ATP13A2: variants seen among roughly 807,000 people sequenced by gnomAD.
The protein encoded by ATP13A2 is ATPase cation transporting 13A2.
In ATP13A2, 83 loss-of-function variants were observed where a neutral mutation model predicts 138.3. That is an observed-to-expected ratio of 0.60 (90% CI 0.50 to 0.72). The LOEUF is 0.72. Among genes scored for constraint, ATP13A2 ranks in the 30% least tolerant of loss-of-function variants. ATP13A2 has a pLI of 0.00. For missense variants in ATP13A2, 1,402 were observed against 1,606.4 expected (o/e 0.87, Z 2.17); for synonymous variants, 663 against 699.0 (o/e 0.95, Z 0.81).
chr1:16,999,321 A>AG (rs1436287455), intron 11 of ATP13A2, among the ~76,000 whole-genome samples: 1 of 138,826 alleles, frequency 7.2e-6, no homozygotes, highest in Non-Finnish European at 1.5e-5. Context: ...TGGAGGTTGC[A>AG]GTGAGCTGAG....
At position 16,987,091 on chromosome 1, in the gene ATP13A2, G is replaced by T. The variant is rs1397654246; in HGVS notation, c.3038C>A (p.Thr1013Asn). 9.3e-6 allele frequency: 15 copies of T among 1,613,472 alleles called. No homozygotes were observed. The South Asian group carries it at 1.5e-4, about 17-fold the overall frequency. The change falls in exon 26 of 29, where the codon ACC (threonine) becomes AAC (asparagine). Residue 1013 changes from threonine (T) to asparagine (N), a missense_variant. Physicochemically the swap from Thr to Asn is moderately conservative, Grantham distance 65 (BLOSUM62 0). Coordinates refer to ENST00000326735, the MANE Select transcript of ATP13A2 (RefSeq NM_022089.4). The part of the protein sequence containing the change: ...SSLLLQMVLV[T>N]GVQLGGYFLT... ...GAAGTAGCCCCCTAGCTGCACGCCG[G>T]TCACCAGGACCATCTGCAGCAGCAG...
chr1:17,005,797 A>T lies in ATP13A2; in HGVS notation c.11-19T>A. On this transcript the variant is annotated intron_variant, in intron 1 of 28. Coordinates refer to ENST00000326735, the MANE Select transcript of ATP13A2 (RefSeq NM_022089.4). ...CTGCTGTCTGTGGACAGAAAAGAGA[A>T]AGGTCATTTGGGGAGGCACCTTCTC... 1 of 1,595,808 alleles carries T rather than the reference A, an allele frequency of 6.3e-7. No homozygotes were observed. Among genetic ancestry groups the T allele is most frequent in the Non-Finnish European group, 8.5e-7 (1 of 1,170,646 alleles).
rs150866848 is a variant in ATP13A2 at position 17,003,329 on chromosome 1, G to A, written c.558-956C>T. The stretch of plus-strand genomic sequence containing the variant: ...TTCTAGCACTTTGGGAGGCTGAGGC[G>A]GGTGGATCACCTGAGGTCAGGTATT... On this transcript the variant is annotated intron_variant, in intron 6 of 28. Transcript: ENST00000326735. Among the ~76,000 whole-genome samples the A allele has an allele frequency of 3.0e-3, 450 of 152,070 alleles. 4 individuals are homozygous for A. The highest frequency in any genetic ancestry group is 0.018 in the East Asian group (92 of 5,144).
At chr1:16,998,989 T>C (rs1041304796) in intron 11 of ATP13A2, among the ~76,000 whole-genome samples, 1 of 152,042 alleles carries the variant, frequency 6.6e-6, no homozygotes, top group Non-Finnish European at 1.5e-5. Context: ...TGTGGGGTAG[T>C]GAATGGGGAC....
intron 8 of ATP13A2, chr1:17,000,801 A>G: frequency 2.3e-6 from 1 of 444,092 alleles, no homozygotes; most frequent in Non-Finnish European, 4.1e-6. Context: ...AATTAGCCTG[A>G]TGGGGTGGCC....
chr1:16,994,218 ATTTATT>A (rs753777367), intron 15 of ATP13A2, among the ~76,000 whole-genome samples: 59 of 148,608 alleles, frequency 4.0e-4, no homozygotes, highest in Non-Finnish European at 6.5e-4. Context: ...TTATTTATTT[ATTTATT>A]TTTATTTTTA....
At position 17,005,441 on chromosome 1, in the gene ATP13A2, C is replaced by T. The variant is rs767725094; in HGVS notation, c.221G>A (p.Arg74Gln). ...CAGGTTGCAGGGCCGGAGCCGCAGC[C>T]GCACCCCCCACAGGGGCTTCCAACG... ...LFRWKPLWGV[R>Q]LRLRPCNLAH... is the part of the protein sequence containing the mutation. The change falls in exon 3 of 29, where the codon CGG (arginine) becomes CAG (glutamine). Residue 74 changes from arginine to glutamine, a missense_variant. Arg to Gln is a conservative substitution (Grantham distance 43). Transcript: ENST00000326735. The T allele has an allele frequency of 8.1e-6, 13 of 1,614,016 alleles. No individual in the cohort carries two copies. The highest frequency in any genetic ancestry group is 4.4e-5 in the South Asian group (4 of 91,058).
rs2077769040 is a variant in ATP13A2, at chr1:17,011,065, C to A, written c.10+664G>T. Among the ~76,000 whole-genome samples, 1 of 152,116 alleles carries A rather than the reference C, an allele frequency of 6.6e-6. No homozygotes were observed. Among genetic ancestry groups the A allele is most frequent in the Non-Finnish European group, 1.5e-5 (1 of 68,020 alleles). On this transcript the variant is annotated intron_variant, in intron 1 of 28. Coordinates refer to ENST00000326735, the MANE Select transcript of ATP13A2 (RefSeq NM_022089.4). This position sits in a 1 kb window ranked among gnomAD's most constrained non-coding sequence, Gnocchi z 7.3. ...CTGAGTGACAGACACTGAGATGAGA[C>A]CTTTCTGGATAGGGGAGGAGGACTG...
rs1214740097 is a variant in ATP13A2, at chr1:17,004,551, T to C, written c.478-140A>G. 4 of 1,562,492 alleles carry C rather than the reference T, an allele frequency of 2.6e-6. No individual in the cohort carries two copies. Among genetic ancestry groups the C allele is most frequent in the East Asian group, 2.3e-5 (1 of 43,384 alleles). On this transcript the variant is annotated intron_variant, in intron 5 of 28. Transcript: ENST00000326735. The surrounding 1 kb of genome is among the most constrained non-coding windows in gnomAD (Gnocchi z 4.1). ...AGAGAGGTGGGGAGAGGCCTGAAAG[T>C]GTAAACGTGCTCAGACAGCATCCTG...
rs1476880983 is a variant in ATP13A2, at chr1:16,989,788, TGGG to T, written c.2530-21_2530-19del. 6.2e-7 allele frequency: 1 copy of T among 1,613,252 alleles called. No individual in the cohort carries two copies. The highest frequency in any genetic ancestry group is 8.5e-7 in the Non-Finnish European group (1 of 1,179,794). On this transcript the variant is annotated intron_variant, in intron 22 of 28. Transcript: ENST00000326735. ...ACCAGGACCTGGGAGCACAGGGAGATGGGGGAGGGCTGAGGCACCCACCAGGGA... is the reference window on the plus strand; with the variant it reads ...ACCAGGACCTGGGAGCACAGGGAGATGGAGGGCTGAGGCACCCACCAGGGA...
chr1:17,007,389 A>C (rs2077598625), intron 1 of ATP13A2, among the ~76,000 whole-genome samples: 2 of 151,344 alleles, frequency 1.3e-5, no homozygotes, highest in African/African-American at 4.9e-5. Context: ...GGCTGGATCA[A>C]CTCCTCAGGC....
chr1:17,005,518 G>A lies in ATP13A2; in HGVS notation c.144C>T (p.Ile48=), dbSNP rs375615601. The part of the protein sequence containing the change: ...SGYCGSPWRV[I]GYHVVVWMMA... ...TCATCCAGACCACGACGTGATAGCCGATGACCCTCCATGGACTGCCACAGT... is the reference window on the plus strand; with the variant it reads ...TCATCCAGACCACGACGTGATAGCCAATGACCCTCCATGGACTGCCACAGT... The change falls in exon 3 of 29, where the codon ATC becomes ATT. Residue 48 remains isoleucine (I), a synonymous_variant. Coordinates refer to ENST00000326735, the MANE Select transcript of ATP13A2 (RefSeq NM_022089.4). The A allele has an allele frequency of 1.1e-5, 17 of 1,614,134 alleles. No homozygotes were observed. The highest frequency in any genetic ancestry group is 6.7e-5 in the African/African-American group (5 of 74,958).
intron 1 of ATP13A2, among the ~76,000 whole-genome samples, chr1:17,008,825 G>C (rs557369112): frequency 4.6e-5 from 7 of 152,080 alleles, no homozygotes; most frequent in African/African-American, 1.7e-4. Flanking sequence ...TTAGCCGGGC[G>C]TGGTGGCAGG....
chr1:17,000,859 T>A (rs2077328630), intron 8 of ATP13A2: 2 of 314,390 alleles, frequency 6.4e-6, no homozygotes, highest in East Asian at 1.4e-4. Context: ...GGAGGATCAC[T>A]TAAGCTGGGG....
chr1:17,003,094 G>A (rs577275301), intron 6 of ATP13A2, among the ~76,000 whole-genome samples: 100 of 152,236 alleles, frequency 6.6e-4, no homozygotes, highest in African/African-American at 2.4e-3. Context: ...GGTCTACGCT[G>A]GCCCAAGGAG....
chr1:16,988,030 T>A, intron 25 of ATP13A2, 108 bp downstream of exon 25: 1 of 1,019,762 alleles, frequency 9.8e-7, no homozygotes, highest in Non-Finnish European at 1.5e-6. Flanking sequence ...AGGGTCAGGA[T>A]CTGGGCCCAC....
chr1:16,993,105 C>T (rs544682315), intron 16 of ATP13A2, among the ~76,000 whole-genome samples: 2 of 152,172 alleles, frequency 1.3e-5, no homozygotes, highest in South Asian at 4.2e-4. Flanking sequence ...TTATTACAGA[C>T]GGGGTTTCAC....
rs535945771 is a variant in ATP13A2, at chr1:17,004,936, G to C, written c.347+78C>G. 17 of 1,610,966 alleles carry C rather than the reference G, an allele frequency of 1.1e-5. No individual in the cohort carries two copies. The Middle Eastern group carries it at 7.4e-4, about 70-fold the overall frequency. On this transcript the variant is annotated intron_variant, in intron 4 of 28. Coordinates refer to ENST00000326735, the MANE Select transcript of ATP13A2 (RefSeq NM_022089.4). The surrounding 1 kb of genome is among the most constrained non-coding windows in gnomAD (Gnocchi z 4.1). ...GGGAGGCGCCAGAGTCAGCCTTTATGGGGGGGCCGAGGGTTGGGGAAGTTG... is the reference window on the plus strand; with the variant it reads ...GGGAGGCGCCAGAGTCAGCCTTTATCGGGGGGCCGAGGGTTGGGGAAGTTG...
At chr1:17,007,577 AG>A (rs1418424093) in intron 1 of ATP13A2, among the ~76,000 whole-genome samples, 7 of 123,610 alleles carry the variant, frequency 5.7e-5, no homozygotes, top group Non-Finnish European at 9.6e-5. Context: ...TTTGAGAGCG[AG>A]TCTCGCTCTG....
Sources: gnomAD v4.1 joint callset for allele counts (sites outside exome capture counted in the v4.1 genomes callset) on GRCh38, gnomAD v4.1.1 for gene constraint, Gnocchi (gnomAD v3.1) non-coding constraint, MANE v1.5 for transcripts, NCBI Gene and HGNC (gene_info 2026-07-23, HGNC 2026-07-21) for gene names.